Variants in FSIP2 observed in about 807,000 individuals in gnomAD.
FSIP2 encodes fibrous sheath-interacting protein 2.
Under a neutral mutation model 510.5 loss-of-function variants are expected in FSIP2, and 367 were observed. The observed-to-expected ratio is 0.72, with a 90% CI of 0.66 to 0.78. The LOEUF is 0.78. Among genes scored for constraint, FSIP2 ranks in the 30% least tolerant of loss-of-function variants. The pLI is 0.00. For synonymous variants in FSIP2, 2,601 were observed against 2,732.2 expected, an observed-to-expected ratio of 0.95 and a Z score of 1.50; for missense variants, 7,594 against 7,901.7, an observed-to-expected ratio of 0.96 and a Z score of 1.48.
In FSIP2 at chr2:185,805,736, C is replaced by T. The variant is rs1313813590; in HGVS notation, c.16430C>T (p.Thr5477Ile). The T allele has an allele frequency of 1.2e-6, 2 of 1,605,020 alleles. No individual in the cohort carries two copies. Among genetic ancestry groups the T allele is most frequent in the Admixed American group, 1.7e-5 (1 of 58,218 alleles). The stretch of plus-strand genomic sequence containing the variant: ...ATGAATAGAAAGAAAAGTTTTAAAA[C>T]CAAGGACACATCAGTGAAAAAAGGT... ...GTMNRKKSFK[T>I]KDTSVKKGDI... The change falls in exon 17 of 23, where the codon ACC (threonine) becomes ATC (isoleucine). Residue 5477 changes from threonine to isoleucine, a missense_variant. Coordinates refer to ENST00000424728, the MANE Select transcript of FSIP2 (RefSeq NM_173651.4).
At chr2:185,781,118 T>C (rs1015294507) in intron 13 of FSIP2, among the ~76,000 whole-genome samples, 1 of 87,938 alleles carries the variant, frequency 1.1e-5, no homozygotes, top group Non-Finnish European at 2.5e-5. Flanking sequence ...CCTAAACAGA[T>C]GGCCCCTGAC....
chr2:185,759,372 TCTA>T (rs946556737), intron 9 of FSIP2, among the ~76,000 whole-genome samples: 7 of 147,844 alleles, frequency 4.7e-5, no homozygotes, highest in African/African-American at 1.2e-4. Context: ...TTGGATAAAC[TCTA>T]CTTATTCATA....
intron 11 of FSIP2, among the ~76,000 whole-genome samples, chr2:185,762,237 G>C (rs1490337175): frequency 6.6e-6 from 1 of 151,238 alleles, no homozygotes; most frequent in African/African-American, 2.4e-5. Flanking sequence ...GTGTGGAAAA[G>C]ATAGGGTCCT....
chr2:185,759,001 G>C (rs1381037397), intron 9 of FSIP2, among the ~76,000 whole-genome samples: 1 of 151,060 alleles, frequency 6.6e-6, no homozygotes, highest in Non-Finnish European at 1.5e-5. Flanking sequence ...TTACAAAATA[G>C]CTTGCTGCAA....
rs1398289210 is a variant in FSIP2 at position 185,792,831 on chromosome 2, T to C, written c.5695T>C (p.Cys1899Arg). Residue 1899 changes from cysteine (C) to arginine (R), a missense_variant, in exon 16 of 23, where the codon TGT becomes CGT. Coordinates refer to ENST00000424728, the MANE Select transcript of FSIP2 (RefSeq NM_173651.4). ...TGTCACGGCTTTGGATGAAAATCCA[T>C]GTACTTTTCAGTCTAGATTCAGCGT... ...SSVTALDENPCTFQSRFSVAD... is the reference protein window; with the variant it reads ...SSVTALDENPRTFQSRFSVAD... 2.6e-6 allele frequency: 4 copies of C among 1,534,410 alleles called. No homozygotes were observed. The highest frequency in any genetic ancestry group is 3.9e-5 in the Admixed American group (2 of 50,882).
chr2:185,787,220 T>C (rs1477472844), intron 15 of FSIP2, among the ~76,000 whole-genome samples: 3 of 110,952 alleles, frequency 2.7e-5, no homozygotes, highest in Non-Finnish European at 5.9e-5. Flanking sequence ...TTAAGACATG[T>C]ATTTTACAAC....
chr2:185,807,479 A>G lies in FSIP2; in HGVS notation c.18173A>G (p.Glu6058Gly), dbSNP rs368787071. 90 of 1,612,520 alleles carry G rather than the reference A, an allele frequency of 5.6e-5. No individual in the cohort carries two copies. The African/African-American group carries it at 9.9e-4, about 18-fold the overall frequency. Reference protein sequence around the residue: ...QMKLVSAVATEISQDKYMTIQ... With the variant: ...QMKLVSAVATGISQDKYMTIQ... ...AAGTTAGTAAGTGCAGTTGCAACAG[A>G]GATCTCCCAAGATAAATATATGACT... Residue 6058 changes from glutamate to glycine, a missense_variant, in exon 17 of 23, where the codon GAG (glutamate) becomes GGG (glycine). Transcript: ENST00000424728.
At chr2:185,745,095 G>A (rs1691999485) in intron 4 of FSIP2, 1 of 160,824 alleles carries the variant, frequency 6.2e-6, no homozygotes, top group African/African-American at 2.4e-5. Flanking sequence ...AACAATAAAA[G>A]GGTTAAATAC....
At chr2:185,781,708 A>G (rs1184434008) in intron 13 of FSIP2, among the ~76,000 whole-genome samples, 3 of 152,248 alleles carry the variant, frequency 2.0e-5, no homozygotes, top group East Asian at 1.9e-4. Context: ...TTTTAACAGT[A>G]TGGCTTTAAT....
rs768983928 is a variant in FSIP2, at chr2:185,805,170, T to C, written c.15864T>C (p.Phe5288=). The C allele has an allele frequency of 6.2e-7, 1 of 1,610,346 alleles. No individual in the cohort carries two copies. The highest frequency in any genetic ancestry group is 8.5e-7 in the Non-Finnish European group (1 of 1,177,824). ...TAATCATTGACCTTGTTCACAAATT[T>C]TGTTCTCTCCTCATTATTACTGAAG... ...EDIIIDLVHK[F]CSLLIITEDS... is the part of the protein sequence containing the mutation. Residue 5288 remains phenylalanine, a synonymous_variant, in exon 17 of 23, where the codon TTT becomes TTC. Transcript: ENST00000424728.
Position 185,763,277 on chromosome 2 carries a change from T to C in FSIP2, c.1335T>C (p.Pro445=), listed in dbSNP as rs1205616579. ...FSRVSQAFLD[P]SKEEKETNAD... is the part of the protein sequence containing the mutation. ...GAGTTTCACAGGCATTTTTGGATCCTTCAAAAGAAGAGGTATATAACAGTT... is the reference window on the plus strand; with the variant it reads ...GAGTTTCACAGGCATTTTTGGATCCCTCAAAAGAAGAGGTATATAACAGTT... The change falls in exon 12 of 23, where the codon CCT becomes CCC. Residue 445 remains proline (P), a synonymous_variant. Transcript: ENST00000424728. 7.0e-7 allele frequency: 1 copy of C among 1,435,912 alleles called. No homozygotes were observed. The allele number at this position is 1,435,912 out of a possible 1,614,324, so 88.9% of individuals were successfully genotyped here. A position where few individuals can be genotyped will look rare whatever the true frequency, so the allele number is the denominator to read the frequency against.
At chr2:185,787,264 C>A (rs2105605764) in intron 15 of FSIP2, among the ~76,000 whole-genome samples, 1 of 151,746 alleles carries the variant, frequency 6.6e-6, no homozygotes, top group East Asian at 1.9e-4. Context: ...GTGTTTAATG[C>A]CACTAACCCA....
At chr2:185,749,728 C>T (rs949556914) in intron 7 of FSIP2, among the ~76,000 whole-genome samples, 6 of 151,708 alleles carry the variant, frequency 4.0e-5, no homozygotes, top group African/African-American at 1.2e-4. Flanking sequence ...GTTAGTGGCT[C>T]TCTTTGCTAG....
intron 9 of FSIP2, among the ~76,000 whole-genome samples, chr2:185,759,539 A>G (rs1330218210): frequency 6.9e-6 from 1 of 144,782 alleles, no homozygotes; most frequent in Non-Finnish European, 1.5e-5. Context: ...TAACTTTTTT[A>G]TAATTATAAA....
chr2:185,779,025 T>G (rs779752513), intron 13 of FSIP2, among the ~76,000 whole-genome samples: 2 of 151,998 alleles, frequency 1.3e-5, no homozygotes, highest in African/African-American at 4.8e-5. Context: ...TTGCCTTAAA[T>G]GTGTCTAATA....
chr2:185,741,681 G>A (rs1691925867), intron 2 of FSIP2, among the ~76,000 whole-genome samples: 1 of 152,118 alleles, frequency 6.6e-6, no homozygotes, highest in Non-Finnish European at 1.5e-5. Flanking sequence ...GCCTTCTCAG[G>A]AAAGCATTGG....
Position 185,801,948 on chromosome 2 carries a change from G to T in FSIP2, c.12642G>T (p.Val4214=). Residue 4214 remains valine (V), a synonymous_variant, in exon 17 of 23, where the codon GTG becomes GTT. Transcript: ENST00000424728. ...LYTGKNLQKM[V]DSVYCNILQM... is the part of the protein sequence containing the mutation. ...CTGGAAAAAACCTCCAAAAGATGGT[G>T]GATTCTGTATATTGTAATATTTTGC... 1 of 1,520,888 alleles carries T rather than the reference G, an allele frequency of 6.6e-7. No homozygotes were observed. Among genetic ancestry groups the T allele is most frequent in the Non-Finnish European group, 8.8e-7 (1 of 1,138,848 alleles). The allele number at this position is 1,520,888 out of a possible 1,614,324, so 94.2% of individuals were successfully genotyped here. A position where few individuals can be genotyped will look rare whatever the true frequency, so the allele number is the denominator to read the frequency against.
chr2:185,803,078 C>CATTTGTGAG lies in FSIP2; in HGVS notation c.13773_13781dup (p.Val4593_Ser4594insArgPheVal). On this transcript the variant is annotated inframe_insertion, in exon 17 of 23. Transcript: ENST00000424728. Reference sequence around the variant, plus strand: ...CATATCTGTCAAAAACATCTTCAGCCATTTGTGAGTGGAAAATCATTATCT... The same window carrying CATTTGTGAG: ...CATATCTGTCAAAAACATCTTCAGCCATTTGTGAGATTTGTGAGTGGAAAATCATTATCT... The CATTTGTGAG allele has an allele frequency of 6.6e-7, 1 of 1,514,170 alleles. No individual in the cohort carries two copies. Among genetic ancestry groups the CATTTGTGAG allele is most frequent in the Non-Finnish European group, 8.8e-7 (1 of 1,137,568 alleles). 93.8% of individuals were successfully genotyped at this position (1,514,170 alleles called of 1,614,324 possible).
At chr2:185,753,491 T>G (rs1692187114) in intron 7 of FSIP2, among the ~76,000 whole-genome samples, 1 of 151,408 alleles carries the variant, frequency 6.6e-6, no homozygotes, top group African/African-American at 2.4e-5. Flanking sequence ...AGAAACTGAA[T>G]TAGTTCTCTG....
Sources: allele counts gnomAD v4.1 joint callset (sites outside exome capture counted in the v4.1 genomes callset), GRCh38; gene constraint gnomAD v4.1.1; transcripts MANE v1.5; gene names NCBI Gene and HGNC (gene_info 2026-07-23, HGNC 2026-07-21).